MBD5: variants seen among roughly 807,000 people sequenced by gnomAD.
The protein encoded by MBD5 is methyl-CpG-binding domain protein 5.
A neutral mutation model predicts 117.3 loss-of-function variants in MBD5; 13 were observed. That is an observed-to-expected ratio of 0.11 (90% CI 0.07 to 0.18). The LOEUF (loss-of-function observed/expected upper bound fraction) is 0.18. Among genes scored for constraint, MBD5 ranks in the 10% least tolerant of loss-of-function variants. The probability of loss-of-function intolerance (pLI) is 1.00; values close to 1 mark genes in which losing one functional copy is unlikely to be tolerated. For synonymous variants in MBD5, 727 were observed against 766.4 expected (o/e 0.95, Z 0.85); for missense variants, 1,879 against 2,093.8 (o/e 0.90, Z 2.00).
intron 4 of MBD5, among the ~76,000 whole-genome samples, chr2:148,394,545 G>GTTTTTTTTTTTTTTT (rs71856376): frequency 7.4e-5 from 9 of 121,846 alleles, no homozygotes; most frequent in Non-Finnish European, 1.2e-4. Context: ...CTGTACTTTG[G>GTTTTTTTTTTTTTTT]TTTTTTTTTT....
chr2:148,027,395 T>C (rs1049872655), intron 1 of MBD5: 1 of 152,012 alleles, frequency 6.6e-6, no homozygotes, highest in Non-Finnish European at 1.5e-5. Context: ...ATCCTTTACT[T>C]TTAAGAGAAA....
intron 3 of MBD5, among the ~76,000 whole-genome samples, chr2:148,282,902 C>A: frequency 1.4e-5 from 2 of 143,678 alleles, no homozygotes; most frequent in Admixed American, 7.1e-5. Flanking sequence ...CTTAACCGCC[C>A]CCCCCCATCA....
At chr2:148,492,125 G>A (rs998538161) in intron 11 of MBD5, among the ~76,000 whole-genome samples, 1 of 150,770 alleles carries the variant, frequency 6.6e-6, no homozygotes, top group Non-Finnish European at 1.5e-5. Context: ...ATCTGTGCTC[G>A]AAAACTCCTG....
At chr2:148,252,634 C>T (rs1700493634) in intron 3 of MBD5, among the ~76,000 whole-genome samples, 2 of 152,118 alleles carry the variant, frequency 1.3e-5, no homozygotes, top group African/African-American at 4.8e-5. Flanking sequence ...ACTGCAGCCT[C>T]GACCTCCCAG....
In MBD5 at chr2:148,294,501, G is replaced by GTTTTTTTTTTTTTTTTTTTTTTTT. The variant is rs58961481; in HGVS notation, c.-679-47693_-679-47692insTTTTTTTTTTTTTTTTTTTTTTTT. Among the ~76,000 whole-genome samples, 9 of 113,258 alleles carry GTTTTTTTTTTTTTTTTTTTTTTTT rather than the reference G, an allele frequency of 7.9e-5. 1 individual carries two copies. Among genetic ancestry groups the GTTTTTTTTTTTTTTTTTTTTTTTT allele is most frequent in the African/African-American group, 3.3e-4 (9 of 27,296 alleles). The allele number at this position is 113,258 out of a possible 152,430, so 74.3% of individuals were successfully genotyped here. On this transcript the variant is annotated intron_variant, in intron 3 of 13. Transcript: ENST00000642680. Reference sequence around the variant, plus strand: ...GGCCTCCCAAAGTGCTGGGATTACAGTTTTTTTTTTTTTTTTTTTTGAGAT... The same window carrying GTTTTTTTTTTTTTTTTTTTTTTTT: ...GGCCTCCCAAAGTGCTGGGATTACAGTTTTTTTTTTTTTTTTTTTTTTTTTTTTTTTTTTTTTTTTTTTTGAGAT...
intron 4 of MBD5, among the ~76,000 whole-genome samples, chr2:148,428,248 G>A (rs541919440): frequency 1.6e-4 from 25 of 152,218 alleles, no homozygotes; most frequent in African/African-American, 6.0e-4. Context: ...ATTCACAATT[G>A]CTTCAAAGAG....
chr2:148,024,789 T>C (rs1015096), intron 1 of MBD5, among the ~76,000 whole-genome samples: 50,290 of 152,074 alleles, frequency 0.33, 8,579 homozygotes, highest in East Asian at 0.52. Context: ...TAAGCAATAA[T>C]GATCCAACAC....
intron 1 of MBD5, among the ~76,000 whole-genome samples, chr2:148,154,151 T>G (rs1356338977): frequency 2.7e-4 from 38 of 140,424 alleles, no homozygotes; most frequent in African/African-American, 1.0e-3. Flanking sequence ...TAGTTTTCCT[T>G]CTAACAGACA....
intron 12 of MBD5, among the ~76,000 whole-genome samples, 176 bp from the exon 13 acceptor site, chr2:148,509,884 A>G (rs555347541): frequency 6.6e-6 from 1 of 152,342 alleles, no homozygotes; most frequent in South Asian, 2.1e-4. Flanking sequence ...GACTTTAATC[A>G]TTAGTATTCA....
At chr2:148,377,633 A>T (rs966763742) in intron 4 of MBD5, among the ~76,000 whole-genome samples, 3 of 152,132 alleles carry the variant, frequency 2.0e-5, no homozygotes, top group African/African-American at 7.2e-5. Flanking sequence ...CCTCTAAATT[A>T]TTTTCATCAA....
intron 1 of MBD5, among the ~76,000 whole-genome samples, chr2:148,118,491 C>T (rs1429084289): frequency 2.0e-5 from 3 of 151,856 alleles, no homozygotes; most frequent in South Asian, 4.2e-4. Context: ...CACCTCTACT[C>T]CCAGCTACTG....
intron 3 of MBD5, among the ~76,000 whole-genome samples, chr2:148,273,662 C>G (rs1701036896): frequency 6.6e-6 from 1 of 152,174 alleles, no homozygotes; most frequent in African/African-American, 2.4e-5. Flanking sequence ...TTCTACCCAC[C>G]AAACTCCTTG....
At position 148,222,883 on chromosome 2, in the gene MBD5, A is replaced by G. The variant is rs534194645; in HGVS notation, c.-830-10362A>G. Among the ~76,000 whole-genome samples the G allele has an allele frequency of 3.9e-5, 6 of 152,142 alleles. No homozygotes were observed. The South Asian group carries it at 1.2e-3, about 32-fold the overall frequency. ...TACAAAAGGCTTTTAGCTTTTCCAT[A>G]TTCAGTATGATGCTAGCTGTGAGTC... On this transcript the variant is annotated intron_variant, in intron 2 of 13. Coordinates refer to ENST00000642680, the MANE Select transcript of MBD5 (RefSeq NM_001378120.1).
chr2:148,359,292 G>A (rs898547926), intron 4 of MBD5, among the ~76,000 whole-genome samples: 2 of 150,056 alleles, frequency 1.3e-5, no homozygotes, highest in Non-Finnish European at 3.0e-5. Context: ...AAATTGTAGT[G>A]TTTTATTTTC....
At chr2:148,157,585 A>G (rs1574078576) in intron 1 of MBD5, among the ~76,000 whole-genome samples, 1 of 152,198 alleles carries the variant, frequency 6.6e-6, no homozygotes, top group African/African-American at 2.4e-5. Flanking sequence ...CAAATGCCTC[A>G]TAGATAACAT....
chr2:148,137,655 C>A (rs182710871), intron 1 of MBD5, among the ~76,000 whole-genome samples: 1 of 152,314 alleles, frequency 6.6e-6, no homozygotes, highest in African/African-American at 2.4e-5. Context: ...AACTTTACCT[C>A]ATAGGATGTG....
At chr2:148,318,459 T>A (rs1702206328) in intron 3 of MBD5, among the ~76,000 whole-genome samples, 1 of 152,120 alleles carries the variant, frequency 6.6e-6, no homozygotes, top group African/African-American at 2.4e-5. Flanking sequence ...ATCTTTTTAG[T>A]TTAATTTAGT....
chr2:148,471,979 A>G (rs776995589), intron 8 of MBD5: 2 of 152,098 alleles, frequency 1.3e-5, no homozygotes, highest in Admixed American at 6.6e-5. Context: ...TACCTTAAAT[A>G]ATTTTGATGG....
At position 148,469,552 on chromosome 2, in the gene MBD5, A is replaced by T; in HGVS notation, c.1609A>T (p.Ser537Cys). 1 of 1,613,812 alleles carries T rather than the reference A, an allele frequency of 6.2e-7. No individual in the cohort carries two copies. Among genetic ancestry groups the T allele is most frequent in the Non-Finnish European group, 8.5e-7 (1 of 1,179,908 alleles). ...AATAAGTAATGTACTAAATACCCCA[A>T]GCAGTGCAGCTTTTCCTACTGCATC... ...AGISNVLNTP[S>C]SAAFPTASAG... The change falls in exon 8 of 14, where the codon AGC becomes TGC. Residue 537 changes from serine (S) to cysteine (C), a missense_variant. Transcript: ENST00000642680.
Sources: gnomAD v4.1 joint callset for allele counts (sites outside exome capture counted in the v4.1 genomes callset) on GRCh38, gnomAD v4.1.1 for gene constraint, MANE v1.5 for transcripts, NCBI Gene and HGNC (gene_info 2026-07-23, HGNC 2026-07-21) for gene names.